The following GPR89B variants were observed in gnomAD, a reference collection of about 807,000 sequenced individuals.
GPR89B encodes the protein golgi pH regulator B.
A neutral mutation model predicts 52.4 loss-of-function variants in GPR89B; 25 were observed. The observed-to-expected ratio is 0.48, with a 90% confidence interval of 0.35 to 0.67. GPR89B has a LOEUF of 0.67. Among genes scored for constraint, GPR89B ranks in the 30% least tolerant of loss-of-function variants. The pLI is 0.01. For synonymous variants in GPR89B, 52 were observed against 151.2 expected, an observed-to-expected ratio of 0.34 and a Z score of 4.81; for missense variants, 146 against 450.2, an observed-to-expected ratio of 0.32 and a Z score of 6.11.
At chr1:147,950,664 A>ACTC (rs1553250894) in intron 5 of GPR89B, among the ~76,000 whole-genome samples, 1 of 152,042 alleles carries the variant, frequency 6.6e-6, no homozygotes, top group Non-Finnish European at 1.5e-5. Flanking sequence ...AGTGAACCAG[A>ACTC]CTCCGTCTGC....
chr1:148,020,060 T>TG, the GPR89B span, among the ~76,000 whole-genome samples: 2 of 151,138 alleles, frequency 1.3e-5, no homozygotes, highest in South Asian at 4.2e-4. Context: ...AAGGCCTTTT[T>TG]GGGGAAAGTA....
intron 1 of GPR89B, among the ~76,000 whole-genome samples, chr1:147,935,627 A>G (rs1553247742): frequency 6.6e-6 from 1 of 152,228 alleles, no homozygotes; most frequent in Admixed American, 6.5e-5. Context: ...TGGAGAAGGT[A>G]AGAAAACTCT....
chr1:147,992,657 C>T (rs1659152819), intron 13 of GPR89B, 54 bp from the exon 14 acceptor site: 2 of 1,374,020 alleles, frequency 1.5e-6, no homozygotes, highest in Admixed American at 1.7e-5. Flanking sequence ...TTTCCTTTGT[C>T]CTGTTCCTCA....
intron 12 of GPR89B, among the ~76,000 whole-genome samples, chr1:147,991,525 C>T (rs1659067834): frequency 6.6e-6 from 1 of 152,118 alleles, no homozygotes; most frequent in Non-Finnish European, 1.5e-5. Context: ...CTGTCTTGTG[C>T]CAGTTTTCAA....
chr1:147,986,816 A>AT lies in GPR89B; in HGVS notation c.1005+531dup, dbSNP rs1331082549. Among the ~76,000 whole-genome samples, 11 of 149,006 alleles carry AT rather than the reference A, an allele frequency of 7.4e-5. No homozygotes were observed. In the East Asian group the frequency reaches 1.2e-3, roughly 16 times the overall value. On this transcript the variant is annotated intron_variant, in intron 11 of 13. Transcript: ENST00000314163. ...ATGGTAACTGTCACCTATGCACAAA[A>AT]TTTTTTTTTAAATTGTCTTTTTACT...
At position 147,935,544 on chromosome 1, in the gene GPR89B, G is replaced by A. The variant is rs1278720389; in HGVS notation, c.43-1083G>A. On this transcript the variant is annotated intron_variant, in intron 1 of 13. Coordinates refer to ENST00000314163, the MANE Select transcript of GPR89B (RefSeq NM_016334.5). ...TCTGCCAGTTTGAAACAAAACTGAC[G>A]AAAGAGGGATCCTGCAATCTCTCGG... is the stretch of plus-strand genomic sequence containing the variant. Among the ~76,000 whole-genome samples, 5 of 152,132 alleles carry A rather than the reference G, an allele frequency of 3.3e-5. No individual in the cohort carries two copies. In the East Asian group the frequency reaches 5.8e-4, roughly 18 times the overall value.
In GPR89B at chr1:147,981,593, T is replaced by C. The variant is rs1439499076; in HGVS notation, c.910-4606T>C. Among the ~76,000 whole-genome samples the C allele has an allele frequency of 1.7e-4, 25 of 151,128 alleles. No individual in the cohort carries two copies. The South Asian group carries it at 5.1e-3, about 31-fold the overall frequency. On this transcript the variant is annotated intron_variant, in intron 10 of 13. Coordinates refer to ENST00000314163, the MANE Select transcript of GPR89B (RefSeq NM_016334.5). ...TATCCATTTATTAGTTGATGTACAT[T>C]AGGATTGTTTCTACTTTTGGGCCAT...
intron 10 of GPR89B, among the ~76,000 whole-genome samples, chr1:147,981,161 T>C (rs1658219146): frequency 6.7e-6 from 1 of 148,618 alleles, no homozygotes; most frequent in African/African-American, 2.5e-5. Context: ...ATCCATGTCA[T>C]AGTATCTATC....
At chr1:148,005,641 C>G in the GPR89B span, 1 of 1,037,452 alleles carries the variant, frequency 9.6e-7, no homozygotes, top group East Asian at 2.6e-5. Context: ...TTTACTGTCC[C>G]TAGTCTAAGA....
chr1:148,004,301 C>T, the GPR89B span, among the ~76,000 whole-genome samples: 21 of 151,696 alleles, frequency 1.4e-4, no homozygotes, highest in African/African-American at 4.8e-4. Context: ...GGACTACAGG[C>T]GCCCGCCACC....
At chr1:148,023,010 T>C in the GPR89B span, among the ~76,000 whole-genome samples, 1 of 152,058 alleles carries the variant, frequency 6.6e-6, no homozygotes, top group Non-Finnish European at 1.5e-5. Flanking sequence ...GGTACAAGTG[T>C]AGCATTGTTA....
At chr1:148,023,479 G>C in the GPR89B span, among the ~76,000 whole-genome samples, 2 of 140,764 alleles carry the variant, frequency 1.4e-5, no homozygotes, top group African/African-American at 5.6e-5. Context: ...ATTACTGGTT[G>C]AAAAACAGCT....
At chr1:147,962,601 A>G (rs1656669750) in intron 7 of GPR89B, among the ~76,000 whole-genome samples, 1 of 151,916 alleles carries the variant, frequency 6.6e-6, no homozygotes, top group African/African-American at 2.4e-5. Context: ...TACACCTTAT[A>G]TAAAATTAAA....
the GPR89B span, among the ~76,000 whole-genome samples, chr1:147,999,050 G>A: frequency 6.6e-5 from 10 of 151,902 alleles, no homozygotes; most frequent in Non-Finnish European, 1.2e-4. Context: ...GGGGAAGGAG[G>A]TGATGAGGGC....
chr1:147,990,283 A>G (rs1306685336), intron 12 of GPR89B, among the ~76,000 whole-genome samples: 2 of 152,138 alleles, frequency 1.3e-5, no homozygotes, highest in African/African-American at 2.4e-5. Context: ...TCCTTTGCCC[A>G]CTTTTTGATG....
downstream of GPR89B, chr1:147,995,663 G>A (rs1316910925): frequency 6.2e-7 from 1 of 1,609,534 alleles, no homozygotes; most frequent in Non-Finnish European, 8.5e-7. Context: ...ATCTGGAGGG[G>A]TGTCAAGTGG....
At chr1:148,014,223 C>T in the GPR89B span, among the ~76,000 whole-genome samples, 7 of 151,476 alleles carry the variant, frequency 4.6e-5, no homozygotes, top group African/African-American at 1.7e-4. Context: ...TGTGCAGGTC[C>T]GAAGGAGACC....
chr1:148,016,029 G>T, the GPR89B span, among the ~76,000 whole-genome samples: 1 of 148,362 alleles, frequency 6.7e-6, no homozygotes, highest in Admixed American at 6.7e-5. Flanking sequence ...TTGCTTTTAC[G>T]CATGTTATAA....
the GPR89B span, among the ~76,000 whole-genome samples, chr1:148,017,096 C>T: frequency 2.0e-5 from 3 of 151,760 alleles, no homozygotes; most frequent in Non-Finnish European, 4.4e-5. Context: ...GGCTGGAGTG[C>T]AGTGGCGCGA....
Sources: gnomAD v4.1 joint callset for allele counts (sites outside exome capture counted in the v4.1 genomes callset) on GRCh38, gnomAD v4.1.1 for gene constraint, MANE v1.5 for transcripts, NCBI Gene and HGNC (gene_info 2026-07-23, HGNC 2026-07-21) for gene names.